LIN7B: variants seen among roughly 807,000 people sequenced by gnomAD.
LIN7B encodes protein lin-7 homolog B.
In LIN7B, 16 loss-of-function variants were observed where a neutral mutation model predicts 27.9. The ratio of observed to expected loss-of-function variants is 0.57; its 90% confidence interval spans 0.39 to 0.87. The LOEUF (loss-of-function observed/expected upper bound fraction) is 0.87, where lower values mean the gene tolerates loss of function less well. Ranked by LOEUF, LIN7B falls within the 40% of genes least tolerant of loss-of-function variation. LIN7B has a pLI of 0.00. For missense variants in LIN7B, 291 were observed against 288.5 expected (o/e 1.01, Z -0.06); for synonymous variants, 147 against 120.8 (o/e 1.22, Z -1.42).
intron 5 of LIN7B, 48 bp downstream of exon 5, chr19:49,118,066 T>C (rs778258180): frequency 6.2e-7 from 1 of 1,604,830 alleles, no homozygotes; most frequent in Non-Finnish European, 8.5e-7. Flanking sequence ...GGGCTCCCTT[T>C]AACCCCAGGC....
chr19:49,117,259 A>AC (rs948610592), intron 4 of LIN7B, among the ~76,000 whole-genome samples: 1 of 146,288 alleles, frequency 6.8e-6, no homozygotes, highest in African/African-American at 2.6e-5. Context: ...AAAAAAAAAA[A>AC]AAAACAAAAC....
chr19:49,118,381 G>T lies in LIN7B; in HGVS notation c.*8G>T. 6.2e-7 allele frequency: 1 copy of T among 1,614,088 alleles called. No individual in the cohort carries two copies. On this transcript the variant is annotated 3_prime_UTR_variant, in exon 6 of 6. Coordinates refer to ENST00000221459, the MANE Select transcript of LIN7B (RefSeq NM_022165.3). ...TTGGAGTCTCGAGGTTGAAACCACAGATCTGGACGTTCACGTGCACTCTCT... is the reference window on the plus strand; with the variant it reads ...TTGGAGTCTCGAGGTTGAAACCACATATCTGGACGTTCACGTGCACTCTCT...
chr19:49,118,345 C>T lies in LIN7B; in HGVS notation c.603-7C>T, dbSNP rs1165098500. ...GATCCCGGGTCCCTTGTCCACCCCC[C>T]TTGCAGGTCCTTGGAGTCTCGAGGT... is the stretch of plus-strand genomic sequence containing the variant. On this transcript the variant is annotated splice_region_variant and splice_polypyrimidine_tract_variant and intron_variant, in intron 5 of 5. Transcript: ENST00000221459. The T allele has an allele frequency of 1.9e-6, 3 of 1,614,070 alleles. No individual in the cohort carries two copies. Among genetic ancestry groups the T allele is most frequent in the Non-Finnish European group, 1.7e-6 (2 of 1,180,004 alleles).
At chr19:49,116,823 C>T (rs2040833599) in intron 4 of LIN7B, among the ~76,000 whole-genome samples, 1 of 152,164 alleles carries the variant, frequency 6.6e-6, no homozygotes, top group African/African-American at 2.4e-5. Flanking sequence ...TAGGAGTTCT[C>T]CAGGCAAACA....
chr19:49,115,539 G>A (rs1396368116), intron 3 of LIN7B: 4 of 562,948 alleles, frequency 7.1e-6, no homozygotes, highest in Non-Finnish European at 9.6e-6. Context: ...AGTATGGCAT[G>A]GTTGGTAGAA....
intron 5 of LIN7B, 135 bp from the exon 6 acceptor site, chr19:49,118,217 C>T (rs1234049816): frequency 1.5e-6 from 2 of 1,321,246 alleles, no homozygotes; most frequent in African/African-American, 1.5e-5. Context: ...CCTTCCATCC[C>T]AAGATACGGA....
At chr19:49,115,148 G>GGGGGC (rs2040804934) in intron 2 of LIN7B, 112 bp from the exon 3 acceptor site, 1 of 1,008,952 alleles carries the variant, frequency 9.9e-7, no homozygotes, top group African/African-American at 1.7e-5. Context: ...CTTCTGTTGC[G>GGGGGC]GGGGCGGGGC....
At chr19:49,116,797 G>T (rs1336316343) in intron 4 of LIN7B, among the ~76,000 whole-genome samples, 1 of 152,210 alleles carries the variant, frequency 6.6e-6, no homozygotes, top group African/African-American at 2.4e-5. Flanking sequence ...ATTTGGGTTG[G>T]GTGTTAAAGG....
chr19:49,115,013 T>C, intron 2 of LIN7B, 46 bp downstream of exon 2: 3 of 1,168,844 alleles, frequency 2.6e-6, no homozygotes, highest in Admixed American at 3.3e-5. Context: ...GCCGTCGTCC[T>C]CCTCCTCCTC....
Position 49,114,937 on chromosome 19 carries a change from G to C in LIN7B, c.126G>C (p.Leu42=). ...AGCTGCAGGCCCTCCAGCGAGTTCTGCAGAGCCGCTTCTGCTCCGCTATCC... is the reference window on the plus strand; with the variant it reads ...AGCTGCAGGCCCTCCAGCGAGTTCTCCAGAGCCGCTTCTGCTCCGCTATCC... The part of the protein sequence containing the change: ...PQKLQALQRV[L]QSRFCSAIRE... The change falls in exon 2 of 6, where the codon CTG becomes CTC. Residue 42 remains leucine (L), a synonymous_variant. Coordinates refer to ENST00000221459, the MANE Select transcript of LIN7B (RefSeq NM_022165.3). 6.9e-7 allele frequency: 1 copy of C among 1,453,306 alleles called. No homozygotes were observed. The highest frequency in any genetic ancestry group is 1.5e-5 in the African/African-American group (1 of 68,146). 90.0% of individuals were successfully genotyped at this position (1,453,306 alleles called of 1,614,324 possible).
chr19:49,115,163 C>A, intron 2 of LIN7B, 97 bp from the exon 3 acceptor site: 2 of 1,123,962 alleles, frequency 1.8e-6, no homozygotes, highest in Non-Finnish European at 2.5e-6. Flanking sequence ...CGGGGCGGAT[C>A]CTTGCGTGGT....
At chr19:49,116,051 A>G (rs2040820345) in intron 3 of LIN7B, 2 of 549,442 alleles carry the variant, frequency 3.6e-6, no homozygotes, top group African/African-American at 1.9e-5. Context: ...TGGGGTATTC[A>G]AGACACACAC....
rs756789122 is a variant in LIN7B, at chr19:49,116,330, C to T, written c.296C>T (p.Thr99Met). ...CCCAGGGTAGTGGAGCTACCCAAGA[C>T]GGATGAGGGCCTAGGCTTCAACATC... Reference protein sequence around the residue: ...AHPRVVELPKTDEGLGFNIMG... With the variant: ...AHPRVVELPKMDEGLGFNIMG... Residue 99 changes from threonine (T) to methionine (M), a missense_variant, in exon 4 of 6, where the codon ACG (threonine) becomes ATG (methionine). Transcript: ENST00000221459. 1.4e-5 allele frequency: 23 copies of T among 1,614,042 alleles called. No homozygotes were observed. Among genetic ancestry groups the T allele is most frequent in the South Asian group, 3.3e-5 (3 of 91,076 alleles).
At chr19:49,114,794 T>C (rs1463541917) in intron 1 of LIN7B, 55 bp from the exon 2 acceptor site, 4 of 1,091,362 alleles carry the variant, frequency 3.7e-6, no homozygotes, top group Admixed American at 3.2e-5. Flanking sequence ...CTTGCTTCTC[T>C]GCGTCTCGGG....
chr19:49,115,021 CT>C, intron 2 of LIN7B, 54 bp downstream of exon 2: 1 of 1,179,684 alleles, frequency 8.5e-7, no homozygotes, highest in South Asian at 1.8e-5. Context: ...CCTCCTCCTC[CT>C]CCTCCTGCTT....
At chr19:49,118,042 C>G (rs761548072) in intron 5 of LIN7B, 24 bp downstream of exon 5, 14 of 1,612,336 alleles carry the variant, frequency 8.7e-6, no homozygotes, top group Non-Finnish European at 1.2e-5. Context: ...TCACCACACC[C>G]CTGGGGCCTC....
chr19:49,114,705 C>T, intron 1 of LIN7B, 144 bp from the exon 2 acceptor site: 1 of 496,136 alleles, frequency 2.0e-6, no homozygotes, highest in Non-Finnish European at 3.3e-6. Context: ...TCCTGCGCCA[C>T]CCTGGACTCT....
intron 4 of LIN7B, 133 bp downstream of exon 4, chr19:49,116,605 C>T: frequency 2.4e-6 from 2 of 847,214 alleles, no homozygotes; most frequent in Non-Finnish European, 3.6e-6. Context: ...ATGTTACAGA[C>T]TCTGAGAGAT....
rs943769280 is a variant in LIN7B at position 49,117,977 on chromosome 19, G to A, written c.561G>A (p.Lys187=). 1.2e-6 allele frequency: 2 copies of A among 1,613,940 alleles called. No individual in the cohort carries two copies. The highest frequency in any genetic ancestry group is 1.7e-5 in the Admixed American group (1 of 59,992). ...AGGAGATGGAGGCCCGGTTCGAGAA[G>A]ATGCGCTCTGCCCGCCGGCGCCAAC... is the stretch of plus-strand genomic sequence containing the variant. ...VLEEMEARFE[K]MRSARRRQQH... The change falls in exon 5 of 6, where the codon AAG becomes AAA. Residue 187 remains lysine, a synonymous_variant. Transcript: ENST00000221459.
Sources: gnomAD v4.1 joint callset for allele counts (sites outside exome capture counted in the v4.1 genomes callset) on GRCh38, gnomAD v4.1.1 for gene constraint, MANE v1.5 for transcripts, NCBI Gene and HGNC (gene_info 2026-07-23, HGNC 2026-07-21) for gene names.